The following ZNF354C variants were observed in gnomAD, a reference collection of about 807,000 sequenced individuals.
ZNF354C encodes the protein KRAB-zinc finger protein synten.
ZNF354C carries 7 observed loss-of-function variants against 12.4 expected under a neutral mutation model. The observed-to-expected ratio is 0.56, with a 90% CI of 0.32 to 1.06. The LOEUF (loss-of-function observed/expected upper bound fraction) is 1.06. Ranked by LOEUF, ZNF354C falls within the 50% of genes least tolerant of loss-of-function variation. The pLI is 0.04. For missense variants in ZNF354C, 609 were observed against 658.0 expected, an observed-to-expected ratio of 0.93 and a Z score of 0.81; for synonymous variants, 202 against 224.5, an observed-to-expected ratio of 0.90 and a Z score of 0.90.
chr5:179,069,168 C>T (rs1335358870), intron 2 of ZNF354C, among the ~76,000 whole-genome samples: 3 of 152,148 alleles, frequency 2.0e-5, no homozygotes, highest in Non-Finnish European at 4.4e-5. Flanking sequence ...TGGTTCAGGC[C>T]GTGACAGGAA....
chr5:179,075,731 T>G (rs967011693), intron 2 of ZNF354C, among the ~76,000 whole-genome samples: 3 of 152,188 alleles, frequency 2.0e-5, no homozygotes, highest in African/African-American at 7.2e-5. Flanking sequence ...ATCAATAATA[T>G]ATGAAGGTCA....
chr5:179,064,582 A>ATTTTT (rs59111143), intron 2 of ZNF354C, among the ~76,000 whole-genome samples: 1 of 141,754 alleles, frequency 7.1e-6, no homozygotes. Flanking sequence ...ACACTGGCTA[A>ATTTTT]TTTTTTTTTT....
rs749570881 is a variant in ZNF354C at position 179,079,036 on chromosome 5, G to T, written c.604G>T (p.Asp202Tyr). 2 of 1,612,980 alleles carry T rather than the reference G, an allele frequency of 1.2e-6. No homozygotes were observed. The highest frequency in any genetic ancestry group is 1.7e-6 in the Non-Finnish European group (2 of 1,179,796). ...TGGGAAAGATTTTAAACAGAATTTT[G>T]ATCTCATGAAATGCTTCCAGATTTA... ...TFGKDFKQNF[D>Y]LMKCFQIYPG... Residue 202 changes from aspartate to tyrosine, a missense_variant, in exon 5 of 5, where the codon GAT becomes TAT. Asp to Tyr is a radical substitution (Grantham distance 160). Coordinates refer to ENST00000315475, the MANE Select transcript of ZNF354C (RefSeq NM_014594.3). This position sits in a 1 kb window ranked among gnomAD's most constrained non-coding sequence, Gnocchi z 4.2.
intron 2 of ZNF354C, among the ~76,000 whole-genome samples, chr5:179,073,613 C>G (rs1329341732): frequency 6.6e-6 from 1 of 151,878 alleles, no homozygotes; most frequent in Non-Finnish European, 1.5e-5. Context: ...TTTTTTGACT[C>G]TTGGCCAAAA....
In ZNF354C at chr5:179,079,456, A is replaced by G. The variant is rs1411607534; in HGVS notation, c.1024A>G (p.Lys342Glu). ...ECEKAFNCRA[K>E]LHRHQRIHTG... ...TGAGAAGGCCTTCAACTGTAGAGCA[A>G]AACTTCACAGGCATCAAAGAATCCA... The change falls in exon 5 of 5, where the codon AAA (lysine) becomes GAA (glutamate). Residue 342 changes from lysine (K) to glutamate (E), a missense_variant. Physicochemically the swap from Lys to Glu is moderately conservative, Grantham distance 56. Transcript: ENST00000315475. The surrounding 1 kb of genome is among the most constrained non-coding windows in gnomAD (Gnocchi z 4.2). The G allele has an allele frequency of 1.2e-6, 2 of 1,613,780 alleles. No homozygotes were observed. Among genetic ancestry groups the G allele is most frequent in the East Asian group, 2.2e-5 (1 of 44,832 alleles).
In ZNF354C at chr5:179,079,528, A is replaced by C; in HGVS notation, c.1096A>C (p.Ser366Arg). Residue 366 changes from serine to arginine, a missense_variant, in exon 5 of 5, where the codon AGC becomes CGC. Transcript: ENST00000315475. This position sits in a 1 kb window ranked among gnomAD's most constrained non-coding sequence, Gnocchi z 4.2. Reference sequence around the variant, plus strand: ...ATGTAGTGAGTGTGGGAAGGGATACAGCCAGTTTACATCTCTAGCTGAACA... The same window carrying C: ...ATGTAGTGAGTGTGGGAAGGGATACCGCCAGTTTACATCTCTAGCTGAACA... ...YKCSECGKGY[S>R]QFTSLAEHQR... The C allele has an allele frequency of 1.2e-6, 2 of 1,614,218 alleles. No homozygotes were observed. The highest frequency in any genetic ancestry group is 2.2e-5 in the South Asian group (2 of 91,086).
rs973177631 is a variant in ZNF354C at position 179,075,398 on chromosome 5, G to A, written c.28-1047G>A. The stretch of plus-strand genomic sequence containing the variant: ...GATTGCACCACTGCACTCCAGCCTG[G>A]CAACAGAGCAAGACTCCATCTCAAA... On this transcript the variant is annotated intron_variant, in intron 2 of 4. Coordinates refer to ENST00000315475, the MANE Select transcript of ZNF354C (RefSeq NM_014594.3). Among the ~76,000 whole-genome samples, 4 of 151,620 alleles carry A rather than the reference G, an allele frequency of 2.6e-5. No individual in the cohort carries two copies. In the South Asian group the frequency reaches 8.3e-4, roughly 32 times the overall value.
At position 179,081,998 on chromosome 5, in the gene ZNF354C, A is replaced by G. The variant is rs936718309; in HGVS notation, c.*1901A>G. ...AGTTCATAATGATGAAAGTAGAGAA[A>G]AAAGAAAACTCTATACAATTATTTG... On this transcript the variant is annotated 3_prime_UTR_variant, in exon 5 of 5. Transcript: ENST00000315475. The G allele has an allele frequency of 6.6e-6, 1 of 152,246 alleles. No individual in the cohort carries two copies. The highest frequency in any genetic ancestry group is 2.1e-4 in the South Asian group (1 of 4,836). The allele number at this position is 152,246 out of a possible 1,614,324, so 9.4% of individuals were successfully genotyped here.
chr5:179,074,212 A>C (rs1368206274), intron 2 of ZNF354C, among the ~76,000 whole-genome samples: 1 of 150,274 alleles, frequency 6.7e-6, no homozygotes, highest in Non-Finnish European at 1.5e-5. Context: ...CCATCTCTTG[A>C]CCTCGTGATC....
At position 179,082,526 on chromosome 5, in the gene ZNF354C, G is replaced by A. The variant is rs1307746399; in HGVS notation, c.*2429G>A. 2.6e-5 allele frequency: 17 copies of A among 647,212 alleles called. No individual in the cohort carries two copies. The highest frequency in any genetic ancestry group is 8.1e-5 in the East Asian group (3 of 37,190). The allele number at this position is 647,212 out of a possible 1,614,324, so 40.1% of individuals were successfully genotyped here. A position where few individuals can be genotyped will look rare whatever the true frequency, so the allele number is the denominator to read the frequency against. On this transcript the variant is annotated 3_prime_UTR_variant, in exon 5 of 5. Transcript: ENST00000315475. ...AAATTTATTTTTTTAAACATAACAC[G>A]AGGAAGCTGTTAAAACTGGTGTAAT...
In ZNF354C at chr5:179,081,810, A is replaced by ACTT. The variant is rs1048793943; in HGVS notation, c.*1714_*1716dup. Reference sequence around the variant, plus strand: ...GGGAAGTGGGTGGTGTGGCTAAAATACTTTTTATTAAGAAAATAAAATAAA... The same window carrying ACTT: ...GGGAAGTGGGTGGTGTGGCTAAAATACTTCTTTTTATTAAGAAAATAAAATAAA... On this transcript the variant is annotated 3_prime_UTR_variant, in exon 5 of 5. Coordinates refer to ENST00000315475, the MANE Select transcript of ZNF354C (RefSeq NM_014594.3). 2.0e-5 allele frequency: 3 copies of ACTT among 152,188 alleles called. No individual in the cohort carries two copies. Among genetic ancestry groups the ACTT allele is most frequent in the African/African-American group, 7.2e-5 (3 of 41,458 alleles). The allele number at this position is 152,188 out of a possible 1,614,324, so 9.4% of individuals were successfully genotyped here.
At position 179,079,235 on chromosome 5, in the gene ZNF354C, G is replaced by A. The variant is rs1039540359; in HGVS notation, c.803G>A (p.Gly268Glu). The A allele has an allele frequency of 6.2e-7, 1 of 1,614,092 alleles. No homozygotes were observed. The highest frequency in any genetic ancestry group is 8.5e-7 in the Non-Finnish European group (1 of 1,180,000). Residue 268 changes from glycine (G) to glutamate (E), a missense_variant, in exon 5 of 5, where the codon GGA becomes GAA. Physicochemically the swap from Gly to Glu is moderately conservative, Grantham distance 98. Coordinates refer to ENST00000315475, the MANE Select transcript of ZNF354C (RefSeq NM_014594.3). The surrounding 1 kb of genome is among the most constrained non-coding windows in gnomAD (Gnocchi z 4.2). ...SLLSHQRIHT[G>E]EKPYKCNECE... Reference sequence around the variant, plus strand: ...CTTTCTCATCAGAGAATTCATACTGGAGAGAAACCTTACAAGTGTAATGAA... The same window carrying A: ...CTTTCTCATCAGAGAATTCATACTGAAGAGAAACCTTACAAGTGTAATGAA...
intron 2 of ZNF354C, among the ~76,000 whole-genome samples, chr5:179,068,468 G>A (rs557111128): frequency 3.0e-4 from 45 of 152,300 alleles, no homozygotes; most frequent in Non-Finnish European, 5.4e-4. Flanking sequence ...AACAAAAGTT[G>A]TCTTGAGTAA....
intron 1 of ZNF354C, 32 bp from the exon 2 acceptor site, chr5:179,061,983 A>AG: frequency 6.8e-7 from 1 of 1,473,770 alleles, no homozygotes; most frequent in Non-Finnish European, 9.5e-7. Flanking sequence ...TCCTGACGCC[A>AG]GGGTTCCTCT....
chr5:179,079,858 G>A lies in ZNF354C; in HGVS notation c.1426G>A (p.Ala476Thr), dbSNP rs372839551. 1 of 1,613,970 alleles carries A rather than the reference G, an allele frequency of 6.2e-7. No individual in the cohort carries two copies. Among genetic ancestry groups the A allele is most frequent in the Non-Finnish European group, 8.5e-7 (1 of 1,179,970 alleles). Residue 476 changes from alanine (A) to threonine (T), a missense_variant, in exon 5 of 5, where the codon GCC (alanine) becomes ACC (threonine). Physicochemically the swap from Ala to Thr is moderately conservative, Grantham distance 58. Transcript: ENST00000315475. The surrounding 1 kb of genome is among the most constrained non-coding windows in gnomAD (Gnocchi z 4.2). ...KPYQCNQCGK[A>T]FSQYSFLTEH... ...GTATCAGTGTAATCAGTGTGGAAAG[G>A]CCTTCAGCCAGTATTCATTTTTAAC... is the stretch of plus-strand genomic sequence containing the variant.
chr5:179,064,070 G>T (rs1049982851), intron 2 of ZNF354C, among the ~76,000 whole-genome samples: 1 of 152,208 alleles, frequency 6.6e-6, no homozygotes, highest in South Asian at 2.1e-4. Context: ...CAAAGGTAGG[G>T]TTGTTCGCTA....
rs1180918604 is a variant in ZNF354C, at chr5:179,078,917, G to A, written c.485G>A (p.Ser162Asn). Reference protein sequence around the residue: ...KTISEDGNHTSLELGKSLFTN... With the variant: ...KTISEDGNHTNLELGKSLFTN... ...ATCAGTGAAGATGGAAACCATACAAGTCTTGAATTGGGGAAAAGCTTATTT... is the reference window on the plus strand; with the variant it reads ...ATCAGTGAAGATGGAAACCATACAAATCTTGAATTGGGGAAAAGCTTATTT... The change falls in exon 5 of 5, where the codon AGT becomes AAT. Residue 162 changes from serine to asparagine, a missense_variant. Coordinates refer to ENST00000315475, the MANE Select transcript of ZNF354C (RefSeq NM_014594.3). 5 of 1,613,984 alleles carry A rather than the reference G, an allele frequency of 3.1e-6. No individual in the cohort carries two copies. The highest frequency in any genetic ancestry group is 4.2e-6 in the Non-Finnish European group (5 of 1,180,014).
rs1702155738 is a variant in ZNF354C, at chr5:179,083,041, G to T, written c.*2944G>T. 1.3e-6 allele frequency: 1 copy of T among 781,420 alleles called. No homozygotes were observed. Among genetic ancestry groups the T allele is most frequent in the Non-Finnish European group, 2.2e-6 (1 of 462,800 alleles). 48.4% of individuals were successfully genotyped at this position (781,420 alleles called of 1,614,324 possible). On this transcript the variant is annotated 3_prime_UTR_variant, in exon 5 of 5. Transcript: ENST00000315475. ...AACTGATCTTGCACACATTCCACTG[G>T]CCCTACGCAGGGGTGTGATGTTGTA...
chr5:179,060,507 G>A lies in ZNF354C; in HGVS notation c.-214G>A, dbSNP rs938128406. 6.6e-6 allele frequency: 1 copy of A among 152,296 alleles called. No individual in the cohort carries two copies. The highest frequency in any genetic ancestry group is 2.4e-5 in the African/African-American group (1 of 41,432). The allele number at this position is 152,296 out of a possible 1,614,324, so 9.4% of individuals were successfully genotyped here. ...CTCGCAGTGGTCTCTTCCGGGCCGGGGTGGATCCGGGCCTCTCCAGCGAGT... is the reference window on the plus strand; with the variant it reads ...CTCGCAGTGGTCTCTTCCGGGCCGGAGTGGATCCGGGCCTCTCCAGCGAGT... On this transcript the variant is annotated 5_prime_UTR_variant, in exon 1 of 5. Coordinates refer to ENST00000315475, the MANE Select transcript of ZNF354C (RefSeq NM_014594.3). The surrounding 1 kb of genome is among the most constrained non-coding windows in gnomAD (Gnocchi z 4.2).
Sources: gnomAD v4.1 joint callset for allele counts (sites outside exome capture counted in the v4.1 genomes callset) on GRCh38, gnomAD v4.1.1 for gene constraint, Gnocchi (gnomAD v3.1) non-coding constraint, MANE v1.5 for transcripts, NCBI Gene and HGNC (gene_info 2026-07-23, HGNC 2026-07-21) for gene names.